RNF217: variants seen among roughly 807,000 people sequenced by gnomAD.
RNF217 encodes the protein E3 ubiquitin-protein ligase RNF217.
Under a neutral mutation model 57.8 loss-of-function variants are expected in RNF217, and 31 were observed. That is an observed-to-expected ratio of 0.54 (90% confidence interval 0.40 to 0.72). The LOEUF (loss-of-function observed/expected upper bound fraction) is 0.72. Among genes scored for constraint, RNF217 ranks in the 30% least tolerant of loss-of-function variants. The probability of loss-of-function intolerance (pLI) is 0.00; values close to 1 mark genes in which losing one functional copy is unlikely to be tolerated. For missense variants in RNF217, 696 were observed against 708.3 expected (o/e 0.98, Z 0.20); for synonymous variants, 313 against 294.0 (o/e 1.06, Z -0.66).
At chr6:125,048,654 A>G (rs1012769558) in intron 2 of RNF217, among the ~76,000 whole-genome samples, 2 of 151,622 alleles carry the variant, frequency 1.3e-5, no homozygotes, top group African/African-American at 4.9e-5. Context: ...ATAGCTGAGT[A>G]AGTGCTTCTC....
intron 1 of RNF217, among the ~76,000 whole-genome samples, chr6:125,015,507 A>G (rs371266122): frequency 1.3e-5 from 2 of 152,136 alleles, no homozygotes. Context: ...ATGCCTGTAT[A>G]TGGAGGAACT....
intron 2 of RNF217, among the ~76,000 whole-genome samples, chr6:125,046,025 C>T (rs945296156): frequency 6.6e-6 from 1 of 151,976 alleles, no homozygotes; most frequent in African/African-American, 2.4e-5. Flanking sequence ...AAGCTGTGTA[C>T]ATATAGTGTG....
rs186797566 is a variant in RNF217 at position 125,018,244 on chromosome 6, T to C, written c.883-26967T>C. On this transcript the variant is annotated intron_variant, in intron 1 of 5. Coordinates refer to ENST00000521654, the MANE Select transcript of RNF217 (RefSeq NM_001286398.3). ...TTTAAATAATTTCTTACTTAAGCCT[T>C]CCCCCTTTCATTTGAGGAAAGTTAA... 3.9e-3 allele frequency among the ~76,000 whole-genome samples: 594 copies of C among 152,292 alleles called. 3 individuals are homozygous for C. The highest frequency in any genetic ancestry group is 0.013 in the African/African-American group (553 of 41,560).
Position 125,045,407 on chromosome 6 carries a change from A to G in RNF217, c.1079A>G (p.His360Arg). The G allele has an allele frequency of 1.2e-6, 2 of 1,613,182 alleles. No homozygotes were observed. The highest frequency in any genetic ancestry group is 1.1e-5 in the South Asian group (1 of 91,028). Residue 360 changes from histidine to arginine, a missense_variant, in exon 2 of 6, where the codon CAT becomes CGT. Transcript: ENST00000521654. ...TTTACAACCTTCAAGAAAAAAGGAC[A>G]TATTCCCACCCCTTCCAGATCAGAA... ...KHFTTFKKKG[H>R]IPTPSRSESK...
chr6:125,033,950 G>T (rs1261759359), intron 1 of RNF217, among the ~76,000 whole-genome samples: 1 of 151,894 alleles, frequency 6.6e-6, no homozygotes, highest in Non-Finnish European at 1.5e-5. Context: ...GGCCAGTGAT[G>T]ATGAGCATTT....
At chr6:125,064,794 A>G (rs1235779932) in intron 3 of RNF217, among the ~76,000 whole-genome samples, 1 of 152,066 alleles carries the variant, frequency 6.6e-6, no homozygotes, top group Non-Finnish European at 1.5e-5. Flanking sequence ...TGTCATCTAT[A>G]CTTGTATGTA....
At chr6:124,975,437 C>T (rs568901095) in intron 1 of RNF217, among the ~76,000 whole-genome samples, 3 of 152,194 alleles carry the variant, frequency 2.0e-5, no homozygotes, top group Admixed American at 6.5e-5. Context: ...ATGAATTATT[C>T]ATTCATTCAT....
intron 1 of RNF217, among the ~76,000 whole-genome samples, chr6:125,006,742 A>T (rs1262904499): frequency 1.3e-5 from 2 of 152,174 alleles, no homozygotes; most frequent in Non-Finnish European, 2.9e-5. Context: ...TGAGGTCAGG[A>T]GTTCAAGACC....
chr6:125,045,621 C>A (rs1787068583), intron 2 of RNF217, among the ~76,000 whole-genome samples, 177 bp downstream of exon 2: 1 of 152,010 alleles, frequency 6.6e-6, no homozygotes, highest in Non-Finnish European at 1.5e-5. Context: ...AGAGAGTGCT[C>A]TTAAGGAATT....
intron 1 of RNF217, among the ~76,000 whole-genome samples, chr6:125,042,714 C>G (rs1395764325): frequency 1.3e-5 from 2 of 152,072 alleles, no homozygotes; most frequent in African/African-American, 4.8e-5. Flanking sequence ...TCAAGACAAC[C>G]TGCCCTCTTT....
At chr6:125,061,514 A>G (rs761231978) in intron 3 of RNF217, among the ~76,000 whole-genome samples, 1 of 151,548 alleles carries the variant, frequency 6.6e-6, no homozygotes, top group Non-Finnish European at 1.5e-5. Flanking sequence ...GCATATTTTT[A>G]TTATCAAATT....
Position 125,074,311 on chromosome 6 carries a change from AG to A in RNF217, c.1282-2345del, listed in dbSNP as rs1788272534. Among the ~76,000 whole-genome samples the A allele has an allele frequency of 6.1e-5, 9 of 147,832 alleles. No individual in the cohort carries two copies. The South Asian group carries it at 1.3e-3, about 21-fold the overall frequency. Reference sequence around the variant, plus strand: ...ACAGAAGATAGGTAGATAGATAGATAGATAGATAGATAGATAGATAGATAGA... The same window carrying A: ...ACAGAAGATAGGTAGATAGATAGATAATAGATAGATAGATAGATAGATAGA... On this transcript the variant is annotated intron_variant, in intron 3 of 5. Coordinates refer to ENST00000521654, the MANE Select transcript of RNF217 (RefSeq NM_001286398.3).
chr6:125,068,921 C>T (rs1251592685), intron 3 of RNF217, among the ~76,000 whole-genome samples: 1 of 151,896 alleles, frequency 6.6e-6, no homozygotes, highest in Non-Finnish European at 1.5e-5. Context: ...AGTAGGATGA[C>T]ATGTATAATC....
chr6:125,047,101 T>C (rs990196695), intron 2 of RNF217, among the ~76,000 whole-genome samples: 2 of 152,126 alleles, frequency 1.3e-5, no homozygotes, highest in African/African-American at 4.8e-5. Flanking sequence ...AGGAAATTAC[T>C]AGTTTTAGAA....
chr6:125,020,710 T>C (rs1009506484), intron 1 of RNF217, among the ~76,000 whole-genome samples: 3 of 152,198 alleles, frequency 2.0e-5, no homozygotes, highest in Admixed American at 2.0e-4. Context: ...ACATAGAATA[T>C]TATATAATCT....
chr6:125,002,441 G>A (rs1165161537), intron 1 of RNF217, among the ~76,000 whole-genome samples: 3 of 149,646 alleles, frequency 2.0e-5, no homozygotes, highest in Non-Finnish European at 4.4e-5. Context: ...CCCCCTGCAC[G>A]CCCCTATCCC....
intron 1 of RNF217, among the ~76,000 whole-genome samples, chr6:125,000,601 G>A (rs916224015): frequency 6.6e-6 from 1 of 151,688 alleles, no homozygotes; most frequent in Non-Finnish European, 1.5e-5. Flanking sequence ...ACATTAATCA[G>A]GTATTCTAGG....
chr6:125,047,264 T>G (rs1215362437), intron 2 of RNF217, among the ~76,000 whole-genome samples: 5 of 152,086 alleles, frequency 3.3e-5, no homozygotes, highest in African/African-American at 1.2e-4. Flanking sequence ...TGAGTAACTT[T>G]TAAATGTGTT....
chr6:124,999,839 C>A (rs997461914), intron 1 of RNF217, among the ~76,000 whole-genome samples: 16 of 152,116 alleles, frequency 1.1e-4, no homozygotes, highest in Admixed American at 6.6e-5. Context: ...TTACTTATTT[C>A]TCTTATACAG....
Sources: gnomAD v4.1 joint callset for allele counts (sites outside exome capture counted in the v4.1 genomes callset) on GRCh38, gnomAD v4.1.1 for gene constraint, MANE v1.5 for transcripts, NCBI Gene and HGNC (gene_info 2026-07-23, HGNC 2026-07-21) for gene names.